The following ZNF75D variants were observed in gnomAD, a reference collection of about 807,000 sequenced individuals.
ZNF75D encodes zinc finger protein 75.
A neutral mutation model predicts 33.3 loss-of-function variants in ZNF75D; 33 were observed. That is an observed-to-expected ratio of 0.99 (90% CI 0.75 to 1.32). ZNF75D has a LOEUF of 1.32. Ranked by LOEUF, ZNF75D falls within the 40% of genes most tolerant of loss-of-function variation. ZNF75D has a pLI of 0.00. For missense variants in ZNF75D, 338 were observed against 367.5 expected, an observed-to-expected ratio of 0.92 and a Z score of 0.66; for synonymous variants, 113 against 130.6, an observed-to-expected ratio of 0.87 and a Z score of 0.92.
At chrX:135,256,739 T>C (rs1162445965) in intron 1 of ZNF75D, among the ~76,000 whole-genome samples, 1 of 111,261 alleles carries the variant, frequency 9.0e-6, no homozygotes, top group Admixed American at 9.5e-5. Flanking sequence ...TCCCCTTACT[T>C]CTGCTTAAGG....
At chrX:135,290,264 A>ATT (rs1212176570) in intron 6 of ZNF75D, among the ~76,000 whole-genome samples, 2 of 112,228 alleles carry the variant, frequency 1.8e-5, no homozygotes, top group Non-Finnish European at 3.8e-5. Context: ...TTTGTTAAAT[A>ATT]TATTTTTTTA....
At chrX:135,314,194 C>T (rs180781529) in intron 1 of ZNF75D, among the ~76,000 whole-genome samples, 116 of 111,777 alleles carry the variant, frequency 1.0e-3, no homozygotes, top group African/African-American at 3.4e-3. Flanking sequence ...GAGTTTTTAT[C>T]GTAAAGGGAT....
At chrX:135,308,199 A>T (rs2084312452) in intron 1 of ZNF75D, among the ~76,000 whole-genome samples, 1 of 112,455 alleles carries the variant, frequency 8.9e-6, no homozygotes, top group South Asian at 3.6e-4. Flanking sequence ...TTCTGAGAGC[A>T]GTCGTGAGTA....
In ZNF75D at chrX:135,250,721, ATAGGTGAGAGCCAC is replaced by A. The variant is rs2083778716; in HGVS notation, n.1296+1131_1296+1144del. On this transcript the variant is annotated intron_variant and non_coding_transcript_variant, in intron 3 of 3. Transcript: ENST00000494295. Reference sequence around the variant, plus strand: ...CTCAGCCTTCCAAAGTGCTGGGATTATAGGTGAGAGCCACTGTGCCTGACCTAGTATGCAAAGTT... The same window carrying A: ...CTCAGCCTTCCAAAGTGCTGGGATTATGTGCCTGACCTAGTATGCAAAGTT... 3.4e-5 allele frequency among the ~76,000 whole-genome samples: 3 copies of A among 89,423 alleles called. 1 individual carries two copies. Among genetic ancestry groups the A allele is most frequent in the African/African-American group, 4.2e-5 (1 of 23,564 alleles). The allele number at this position is 89,423 out of a possible 115,157, so 77.7% of individuals were successfully genotyped here. A position where few individuals can be genotyped will look rare whatever the true frequency, so the allele number is the denominator to read the frequency against.
intron 1 of ZNF75D, among the ~76,000 whole-genome samples, chrX:135,258,846 G>A (rs2083824112): frequency 8.9e-6 from 1 of 112,135 alleles, no homozygotes; most frequent in South Asian, 3.7e-4. Flanking sequence ...TGCTTTCGAT[G>A]TTTTAGTCAT....
chrX:135,325,587 G>A (rs1253014789), intron 1 of ZNF75D, among the ~76,000 whole-genome samples: 1 of 112,553 alleles, frequency 8.9e-6, no homozygotes, highest in East Asian at 2.9e-4. Context: ...AATGAGGGAC[G>A]TAGCACCCGG....
At chrX:135,271,060 C>G (rs1175478115) in intron 1 of ZNF75D, among the ~76,000 whole-genome samples, 1 of 111,450 alleles carries the variant, frequency 9.0e-6, no homozygotes, top group African/African-American at 3.3e-5. Flanking sequence ...TGAGTTATAT[C>G]CTATAGAACA....
intron 1 of ZNF75D, among the ~76,000 whole-genome samples, chrX:135,329,402 C>T (rs781907150): frequency 5.4e-5 from 6 of 111,619 alleles, no homozygotes; most frequent in Non-Finnish European, 1.1e-4. Context: ...ATCAGCCTCC[C>T]GAGTACCTGG....
At chrX:135,272,190 G>A (rs782360992) in intron 1 of ZNF75D, among the ~76,000 whole-genome samples, 4 of 106,259 alleles carry the variant, frequency 3.8e-5, no homozygotes, top group Middle Eastern at 4.6e-3. Context: ...TAACTGCATA[G>A]TGAGTGATTA....
rs150849400 is a variant in ZNF75D at position 135,336,334 on chromosome X, C to A, written c.-391+5434G>T. Among the ~76,000 whole-genome samples the A allele has an allele frequency of 2.1e-3, 242 of 112,819 alleles. 1 individual carries two copies. Among genetic ancestry groups the A allele is most frequent in the African/African-American group, 7.6e-3 (236 of 31,068 alleles). ...TAAATTTCTGCTATTTATAAATTATCCAGTCAAAGGTATTTTGTTATAGCA... is the reference window on the plus strand; with the variant it reads ...TAAATTTCTGCTATTTATAAATTATACAGTCAAAGGTATTTTGTTATAGCA... On this transcript the variant is annotated intron_variant, in intron 1 of 6. Transcript: ENST00000370766.
intron 1 of ZNF75D, among the ~76,000 whole-genome samples, chrX:135,261,474 G>T (rs781936401): frequency 8.9e-6 from 1 of 111,870 alleles, no homozygotes; most frequent in African/African-American, 3.3e-5. Flanking sequence ...ATGAATCTGG[G>T]TGCTCCTGTA....
intron 1 of ZNF75D, among the ~76,000 whole-genome samples, chrX:135,265,219 CAAAA>C (rs559739170): frequency 2.1e-5 from 1 of 48,719 alleles, no homozygotes; most frequent in Admixed American, 2.4e-4. Flanking sequence ...AACTCTGTCT[CAAAA>C]AAAAAAAAAA....
intron 1 of ZNF75D, among the ~76,000 whole-genome samples, chrX:135,301,115 G>A (rs1255650062): frequency 8.9e-6 from 1 of 111,738 alleles, no homozygotes; most frequent in African/African-American, 3.3e-5. Context: ...TTCACAAGGT[G>A]GCAAGAGAGA....
chrX:135,264,602 T>C (rs1556416068), intron 1 of ZNF75D, among the ~76,000 whole-genome samples: 2 of 111,841 alleles, frequency 1.8e-5, no homozygotes, highest in African/African-American at 6.5e-5. Context: ...AGACAAAGAA[T>C]TAAACATTAG....
At chrX:135,308,222 G>A (rs1383445024) in intron 1 of ZNF75D, among the ~76,000 whole-genome samples, 3 of 112,273 alleles carry the variant, frequency 2.7e-5, no homozygotes, top group Non-Finnish European at 5.6e-5. Flanking sequence ...CATAGTAACC[G>A]TGACTTCACT....
At chrX:135,295,230 G>A in intron 2 of ZNF75D, among the ~76,000 whole-genome samples, 1 of 111,926 alleles carries the variant, frequency 8.9e-6, no homozygotes, top group East Asian at 2.8e-4. Context: ...TGACCATTCA[G>A]GCTCAGGAGG....
At chrX:135,306,944 C>A (rs782586596) in intron 1 of ZNF75D, among the ~76,000 whole-genome samples, 145 of 111,300 alleles carry the variant, frequency 1.3e-3, no homozygotes, top group African/African-American at 4.6e-3. Context: ...AACTCCTGGG[C>A]TCAAGCGATC....
chrX:135,322,920 G>A (rs1556435411), intron 1 of ZNF75D, among the ~76,000 whole-genome samples: 1 of 112,161 alleles, frequency 8.9e-6, no homozygotes, highest in Non-Finnish European at 1.9e-5. Context: ...TTTAAATGTA[G>A]TGGGATCCCC....
At chrX:135,256,614 A>G (rs1212483602) in intron 1 of ZNF75D, among the ~76,000 whole-genome samples, 3 of 111,439 alleles carry the variant, frequency 2.7e-5, no homozygotes, top group Non-Finnish European at 5.7e-5. Context: ...TGGGCTTACA[A>G]CCAGTGAACT....
Sources: gnomAD v4.1 joint callset for allele counts (sites outside exome capture counted in the v4.1 genomes callset) on GRCh38, gnomAD v4.1.1 for gene constraint, MANE v1.5 for transcripts, NCBI Gene and HGNC (gene_info 2026-07-23, HGNC 2026-07-21) for gene names.